Variants in TRAPPC11 observed in about 807,000 individuals in gnomAD.
TRAPPC11 encodes foie gras homolog.
Under a neutral mutation model 151.2 loss-of-function variants are expected in TRAPPC11, and 104 were observed. The observed-to-expected ratio is 0.69, with a 90% CI of 0.59 to 0.81. TRAPPC11 has a LOEUF of 0.81. Ranked by LOEUF, TRAPPC11 falls within the 30% of genes least tolerant of loss-of-function variation. TRAPPC11 has a pLI of 0.00. For missense variants in TRAPPC11, 1,230 were observed against 1,349.6 expected (o/e 0.91, Z 1.39); for synonymous variants, 456 against 472.3 (o/e 0.97, Z 0.45).
intron 4 of TRAPPC11, 38 bp downstream of exon 4, chr4:183,667,168 C>T (rs761920538): frequency 6.6e-6 from 10 of 1,505,564 alleles, no homozygotes; most frequent in Non-Finnish European, 9.1e-6. Context: ...TTGTTTTATA[C>T]CTCCAATTCT....
intron 25 of TRAPPC11, among the ~76,000 whole-genome samples, chr4:183,699,098 T>G (rs1009638906): frequency 2.0e-5 from 3 of 152,190 alleles, no homozygotes; most frequent in Admixed American, 6.5e-5. Context: ...CTGGTCAGGC[T>G]CTGGCTGACC....
At chr4:183,690,655 A>G (rs1342487267) in intron 18 of TRAPPC11, among the ~76,000 whole-genome samples, 3 of 152,306 alleles carry the variant, frequency 2.0e-5, no homozygotes, top group Non-Finnish European at 4.4e-5. Flanking sequence ...AGAGAGAGAA[A>G]TGAAGACCTG....
chr4:183,711,172 T>C (rs564408200), intron 29 of TRAPPC11, among the ~76,000 whole-genome samples: 3 of 152,344 alleles, frequency 2.0e-5, no homozygotes, highest in African/African-American at 4.8e-5. Context: ...TTCCCACTTA[T>C]TGGACAATCA....
chr4:183,679,685 G>A (rs370883684), intron 9 of TRAPPC11, among the ~76,000 whole-genome samples, 199 bp downstream of exon 9: 1 of 152,118 alleles, frequency 6.6e-6, no homozygotes, highest in Non-Finnish European at 1.5e-5. Flanking sequence ...TTTAATTCAT[G>A]GTACCATCTT....
In TRAPPC11 at chr4:183,664,091, A is replaced by G. The variant is rs147033839; in HGVS notation, c.204+20A>G. 5.6e-6 allele frequency: 9 copies of G among 1,593,016 alleles called. No individual in the cohort carries two copies. Among genetic ancestry groups the G allele is most frequent in the African/African-American group, 1.3e-5 (1 of 74,418 alleles). On this transcript the variant is annotated intron_variant, in intron 2 of 29. Transcript: ENST00000334690. ...CCCAAGGTAATGGCATTGTGATGGC[A>G]TGTGTTCTTTCCTTCTCTCTCTCTA...
intron 23 of TRAPPC11, among the ~76,000 whole-genome samples, chr4:183,697,195 G>A (rs1049670116): frequency 3.9e-5 from 6 of 151,940 alleles, no homozygotes; most frequent in Non-Finnish European, 8.8e-5. Context: ...GTGGTAGTGT[G>A]CTCCTGTAGT....
At chr4:183,671,715 T>C (rs1216163823) in intron 5 of TRAPPC11, among the ~76,000 whole-genome samples, 4 of 152,250 alleles carry the variant, frequency 2.6e-5, no homozygotes, top group Admixed American at 2.0e-4. Context: ...CTGGAATCGG[T>C]GCTCGTTTTT....
intron 10 of TRAPPC11, among the ~76,000 whole-genome samples, chr4:183,680,514 A>C (rs1735623234): frequency 6.6e-6 from 1 of 152,092 alleles, no homozygotes; most frequent in African/African-American, 2.4e-5. Flanking sequence ...CTATTTAGAC[A>C]AGAGAAAATT....
intron 1 of TRAPPC11, 132 bp downstream of exon 1, chr4:183,659,579 T>C (rs1366250973): frequency 3.3e-5 from 5 of 152,318 alleles, no homozygotes; most frequent in African/African-American, 1.2e-4. Context: ...ACTTCTCTTT[T>C]AGACCCGAGG....
intron 26 of TRAPPC11, among the ~76,000 whole-genome samples, chr4:183,704,401 A>G (rs995718689): frequency 2.0e-5 from 3 of 151,790 alleles, no homozygotes; most frequent in Non-Finnish European, 4.4e-5. Context: ...CGCGCCTGTA[A>G]TCCCAGCTAC....
chr4:183,661,979 A>G (rs1734575025), intron 1 of TRAPPC11, among the ~76,000 whole-genome samples: 1 of 151,848 alleles, frequency 6.6e-6, no homozygotes, highest in African/African-American at 2.4e-5. Context: ...TTCCCAGGCC[A>G]GTCTTGAACT....
chr4:183,690,787 G>A (rs954993803), intron 18 of TRAPPC11, among the ~76,000 whole-genome samples: 30 of 152,154 alleles, frequency 2.0e-4, no homozygotes, highest in South Asian at 2.1e-4. Context: ...GGGCAACGTA[G>A]TGAGACCCCA....
intron 10 of TRAPPC11, among the ~76,000 whole-genome samples, chr4:183,682,381 G>A (rs1735742534): frequency 6.6e-6 from 1 of 152,130 alleles, no homozygotes; most frequent in African/African-American, 2.4e-5. Context: ...AGAACTCCTT[G>A]TAACATTGTT....
intron 25 of TRAPPC11, among the ~76,000 whole-genome samples, chr4:183,698,164 T>C (rs1736639165): frequency 6.6e-6 from 1 of 152,240 alleles, no homozygotes; most frequent in Non-Finnish European, 1.5e-5. Flanking sequence ...TAATGTTTAC[T>C]GTTTTTCATA....
Position 183,686,667 on chromosome 4 carries a change from T to C in TRAPPC11, c.1812T>C (p.Pro604=), listed in dbSNP as rs1735986356. 2 of 1,614,186 alleles carry C rather than the reference T, an allele frequency of 1.2e-6. No individual in the cohort carries two copies. The highest frequency in any genetic ancestry group is 1.7e-5 in the Admixed American group (1 of 60,028). ...FHAPSFHVDV[P]VQFDIYLKAD... ...CCCCAAGTTTTCATGTTGATGTTCC[T>C]GTTCAGTTTGATATTTATCTGAAGG... Residue 604 remains proline (P), a synonymous_variant, in exon 18 of 30, where the codon CCT becomes CCC. Coordinates refer to ENST00000334690, the MANE Select transcript of TRAPPC11 (RefSeq NM_021942.6).
rs1734335091 is a variant in TRAPPC11 at position 183,659,340 on chromosome 4, G to A, written c.-129G>A. 3 of 197,106 alleles carry A rather than the reference G, an allele frequency of 1.5e-5. No individual in the cohort carries two copies. The East Asian group carries it at 3.3e-4, about 22-fold the overall frequency. 12.2% of individuals were successfully genotyped at this position (197,106 alleles called of 1,614,324 possible). A position where few individuals can be genotyped will look rare whatever the true frequency, so the allele number is the denominator to read the frequency against. ...TTGGAACTGGCTGTGGGGCTGCGGC[G>A]GTGGGGACGGGCCACGGCGTTCTGT... is the stretch of plus-strand genomic sequence containing the variant. On this transcript the variant is annotated 5_prime_UTR_variant, in exon 1 of 30. Transcript: ENST00000334690.
intron 2 of TRAPPC11, among the ~76,000 whole-genome samples, chr4:183,665,241 C>A (rs933546605): frequency 6.6e-6 from 1 of 151,760 alleles, no homozygotes; most frequent in Admixed American, 6.6e-5. Context: ...ACTACAGGCG[C>A]CCGCCACCAC....
chr4:183,678,714 A>C lies in TRAPPC11; in HGVS notation c.832-639A>C, dbSNP rs368990023. Among the ~76,000 whole-genome samples the C allele has an allele frequency of 2.7e-4, 41 of 152,348 alleles. 1 individual carries two copies. In the South Asian group the frequency reaches 7.7e-3, roughly 28 times the overall value. ...AGAAACTGATTGCCTCTAGAAAGGG[A>C]AATTAGATGGCTGAGAGACAGGAAT... On this transcript the variant is annotated intron_variant, in intron 8 of 29. Transcript: ENST00000334690.
chr4:183,692,153 A>C (rs1736290197), intron 19 of TRAPPC11, among the ~76,000 whole-genome samples: 1 of 152,150 alleles, frequency 6.6e-6, no homozygotes, highest in Non-Finnish European at 1.5e-5. Context: ...TTAGGATTTC[A>C]TGAGGATTAA....
Sources: gnomAD v4.1 joint callset for allele counts (sites outside exome capture counted in the v4.1 genomes callset) on GRCh38, gnomAD v4.1.1 for gene constraint, MANE v1.5 for transcripts, NCBI Gene and HGNC (gene_info 2026-07-23, HGNC 2026-07-21) for gene names.